The following RRAGB variants were observed in gnomAD, a reference collection of about 807,000 sequenced individuals.
RRAGB encodes ras-related GTP-binding protein B.
Under a neutral mutation model 29.3 loss-of-function variants are expected in RRAGB, and 6 were observed. That is an observed-to-expected ratio of 0.21 (90% confidence interval 0.11 to 0.40). The LOEUF is 0.40. RRAGB is among the 10% of genes least tolerant of loss of function. The probability of loss-of-function intolerance (pLI) is 1.00; values close to 1 mark genes in which losing one functional copy is unlikely to be tolerated. For missense variants in RRAGB, 184 were observed against 272.9 expected (o/e 0.67, Z 2.29); for synonymous variants, 101 against 92.5 (o/e 1.09, Z -0.53).
intron 2 of RRAGB, among the ~76,000 whole-genome samples, chrX:55,720,900 AAG>A (rs1422951929): frequency 3.6e-5 from 4 of 111,587 alleles, no homozygotes; most frequent in African/African-American, 1.3e-4. Flanking sequence ...ATAAAAAAGA[AAG>A]AACGAAAAGG....
chrX:55,735,045 T>C (rs1311196673), intron 5 of RRAGB, among the ~76,000 whole-genome samples: 1 of 112,202 alleles, frequency 8.9e-6, no homozygotes, highest in Non-Finnish European at 1.9e-5. Context: ...GCCTGATATA[T>C]AGTCTATCTT....
chrX:55,728,466 A>T (rs1430872547), intron 3 of RRAGB, among the ~76,000 whole-genome samples: 5 of 111,644 alleles, frequency 4.5e-5, no homozygotes, highest in African/African-American at 6.5e-5. Context: ...GAATAAACCA[A>T]ATTGGGCTGG....
At chrX:55,736,393 T>G (rs776852979) in intron 5 of RRAGB, among the ~76,000 whole-genome samples, 22 of 112,362 alleles carry the variant, frequency 2.0e-4, no homozygotes, top group Admixed American at 9.4e-5. Flanking sequence ...GTCCAGTTAT[T>G]TCTTTATGTT....
At position 55,751,198 on chromosome X, in the gene RRAGB, T is replaced by A; in HGVS notation, c.612+2T>A. 9.6e-7 allele frequency: 1 copy of A among 1,046,433 alleles called. No individual in the cohort carries two copies. Among genetic ancestry groups the A allele is most frequent in the Non-Finnish European group, 1.3e-6 (1 of 752,472 alleles). The allele number at this position is 1,046,433 out of a possible 1,213,427, so 86.2% of individuals were successfully genotyped here. On this transcript the variant is annotated splice_donor_variant, in intron 6 of 9. Coordinates refer to ENST00000374941, the MANE Select transcript of RRAGB (RefSeq NM_006064.5). LOFTEE classifies it high-confidence loss of function. ...ATCTGGGATGAAACCCTCTATAAGG[T>A]GTGTATGTCTCCCTGAGTTCCCTCA...
intron 5 of RRAGB, among the ~76,000 whole-genome samples, chrX:55,749,409 G>A (rs1314078336): frequency 9.6e-6 from 1 of 103,999 alleles, no homozygotes; most frequent in African/African-American, 3.5e-5. Flanking sequence ...CGGGAGGGAG[G>A]TGGGGGGGTC....
chrX:55,726,151 T>A (rs866087261), intron 3 of RRAGB, among the ~76,000 whole-genome samples: 1 of 103,519 alleles, frequency 9.7e-6, no homozygotes, highest in South Asian at 4.3e-4. Context: ...AGGAAAATGT[T>A]AAAAAAAAAA....
intron 5 of RRAGB, among the ~76,000 whole-genome samples, chrX:55,733,754 T>G (rs775169072): frequency 9.0e-6 from 1 of 111,677 alleles, no homozygotes; most frequent in East Asian, 2.8e-4. Context: ...GTATATTGAT[T>G]TGTAGCTTTC....
At chrX:55,749,070 C>T (rs77886835) in intron 5 of RRAGB, among the ~76,000 whole-genome samples, 36,868 of 84,168 alleles carry the variant, frequency 0.44, 8,819 homozygotes, top group East Asian at 0.67. Context: ...GGGGTGTCAG[C>T]CCCCCGCCCG....
chrX:55,718,110 C>T lies in RRAGB; in HGVS notation c.-218C>T. 3.4e-6 allele frequency: 1 copy of T among 298,191 alleles called. No individual in the cohort carries two copies. The highest frequency in any genetic ancestry group is 5.9e-6 in the Non-Finnish European group (1 of 168,918). The allele number at this position is 298,191 out of a possible 1,213,427, so 24.6% of individuals were successfully genotyped here. ...ATCACTTGGCCTTAAAGCTAGCCAG[C>T]TCGGCCGTGCCTTGAGGCCAGGTTC... On this transcript the variant is annotated 5_prime_UTR_variant, in exon 1 of 10. Transcript: ENST00000374941.
At chrX:55,728,843 A>G (rs1345416828) in intron 3 of RRAGB, among the ~76,000 whole-genome samples, 1 of 111,185 alleles carries the variant, frequency 9.0e-6, no homozygotes, top group Non-Finnish European at 1.9e-5. Flanking sequence ...AAAGTGGGAA[A>G]AAGTTAGGGT....
At chrX:55,722,403 T>C in intron 3 of RRAGB, 118 bp downstream of exon 3, 1 of 422,181 alleles carries the variant, frequency 2.4e-6, no homozygotes, top group Middle Eastern at 6.3e-4. Flanking sequence ...TTATGGAGCA[T>C]GTTTACCCTT....
intron 5 of RRAGB, among the ~76,000 whole-genome samples, chrX:55,740,215 C>T (rs772875457): frequency 2.7e-5 from 3 of 110,460 alleles, no homozygotes; most frequent in South Asian, 3.9e-4. Context: ...CCCAGCTACT[C>T]GGGAGGCTGA....
At chrX:55,749,598 G>A (rs1021341769) in intron 5 of RRAGB, among the ~76,000 whole-genome samples, 2 of 111,076 alleles carry the variant, frequency 1.8e-5, no homozygotes, top group African/African-American at 6.5e-5. Context: ...AGAAAGGGGT[G>A]AAAGGTGGGG....
chrX:55,748,970 G>GCC (rs560815812), intron 5 of RRAGB, among the ~76,000 whole-genome samples: 1 of 77,596 alleles, frequency 1.3e-5, no homozygotes, highest in Non-Finnish European at 2.5e-5. Context: ...GGGGGAGTCA[G>GCC]CCCCCCCGCC....
At chrX:55,744,387 CAAAAAA>C (rs56294534) in intron 5 of RRAGB, among the ~76,000 whole-genome samples, 1 of 35,757 alleles carries the variant, frequency 2.8e-5, no homozygotes, top group Admixed American at 5.8e-4. Context: ...CAGAGTGAGC[CAAAAAA>C]AAAAAAAAAA....
At chrX:55,727,455 C>A in intron 3 of RRAGB, 1 of 529,225 alleles carries the variant, frequency 1.9e-6, no homozygotes, top group East Asian at 3.5e-5. Context: ...GTTTGAGCAC[C>A]TACTATGTGC....
chrX:55,748,166 A>C (rs997560927), intron 5 of RRAGB, among the ~76,000 whole-genome samples: 2 of 112,466 alleles, frequency 1.8e-5, no homozygotes, highest in Non-Finnish European at 3.8e-5. Context: ...TCGTTCACTC[A>C]ATGCTCAATG....
chrX:55,746,702 CTCT>C (rs778158981), intron 5 of RRAGB, among the ~76,000 whole-genome samples: 8 of 111,881 alleles, frequency 7.2e-5, no homozygotes, highest in Middle Eastern at 4.6e-3. Context: ...TTCTATGGAT[CTCT>C]TCTTCTAGAG....
intron 2 of RRAGB, 76 bp from the exon 3 acceptor site, chrX:55,722,110 G>A (rs2033302042): frequency 1.1e-5 from 6 of 555,743 alleles, no homozygotes; most frequent in African/African-American, 2.3e-5. Flanking sequence ...ATCCAGGAGA[G>A]AAATAGATCC....
Sources: allele counts gnomAD v4.1 joint callset (sites outside exome capture counted in the v4.1 genomes callset), GRCh38; gene constraint gnomAD v4.1.1; transcripts MANE v1.5; gene names NCBI Gene and HGNC (gene_info 2026-07-23, HGNC 2026-07-21).